Variants in CMIP observed in about 807,000 individuals in gnomAD.
The protein encoded by CMIP is C-Maf-inducing protein.
In CMIP, 13 loss-of-function variants were observed where a neutral mutation model predicts 97.3. The observed-to-expected ratio is 0.13, with a 90% CI of 0.09 to 0.21. The LOEUF (loss-of-function observed/expected upper bound fraction) is 0.21. Ranked by LOEUF, CMIP falls within the 10% of genes least tolerant of loss-of-function variation. CMIP has a pLI of 1.00. For missense variants in CMIP, 847 were observed against 1,024.9 expected, an observed-to-expected ratio of 0.83 and a Z score of 2.37; for synonymous variants, 538 against 436.3, an observed-to-expected ratio of 1.23 and a Z score of -2.91.
At chr16:81,522,015 G>A (rs971409184) in intron 1 of CMIP, among the ~76,000 whole-genome samples, 4 of 152,200 alleles carry the variant, frequency 2.6e-5, no homozygotes, top group Non-Finnish European at 4.4e-5. Flanking sequence ...CAGAGGTGCT[G>A]TTACAATTTA....
At chr16:81,613,737 G>T (rs2091868482) in intron 2 of CMIP, among the ~76,000 whole-genome samples, 1 of 152,124 alleles carries the variant, frequency 6.6e-6, no homozygotes, top group African/African-American at 2.4e-5. Flanking sequence ...GTTGTGTGTG[G>T]ACTTTCTTCG....
At chr16:81,676,180 C>T (rs959258578) in intron 9 of CMIP, among the ~76,000 whole-genome samples, 4 of 152,202 alleles carry the variant, frequency 2.6e-5, no homozygotes, top group African/African-American at 9.7e-5. Context: ...CGTGCCAGCC[C>T]TGGCTCAGCT....
chr16:81,482,070 C>T (rs990260694), intron 1 of CMIP, among the ~76,000 whole-genome samples: 1 of 151,942 alleles, frequency 6.6e-6, no homozygotes, highest in East Asian at 1.9e-4. Flanking sequence ...GCAGAGACAG[C>T]GTTTCACCAT....
intron 1 of CMIP, among the ~76,000 whole-genome samples, chr16:81,569,790 G>A (rs1019448902): frequency 1.3e-5 from 2 of 152,340 alleles, no homozygotes; most frequent in East Asian, 1.9e-4. Flanking sequence ...TTGACCTGGT[G>A]TCAACCTCTC....
chr16:81,474,011 G>C (rs1407529476), intron 1 of CMIP, among the ~76,000 whole-genome samples: 1 of 152,126 alleles, frequency 6.6e-6, no homozygotes, highest in Non-Finnish European at 1.5e-5. Flanking sequence ...ACAGTTCCGA[G>C]GTGGTGCTTC....
chr16:81,691,438 C>G (rs1906059807), intron 10 of CMIP, among the ~76,000 whole-genome samples: 1 of 152,146 alleles, frequency 6.6e-6, no homozygotes, highest in Non-Finnish European at 1.5e-5. Context: ...GAATGGGGGG[C>G]AAAGTTCAGC....
chr16:81,524,313 C>G (rs2090086355), intron 1 of CMIP, among the ~76,000 whole-genome samples: 3 of 152,228 alleles, frequency 2.0e-5, no homozygotes, highest in East Asian at 1.9e-4. Flanking sequence ...GAGATGGTGT[C>G]TGTCCCACTG....
chr16:81,491,257 C>T (rs2089401426), intron 1 of CMIP, among the ~76,000 whole-genome samples: 1 of 152,178 alleles, frequency 6.6e-6, no homozygotes, highest in African/African-American at 2.4e-5. Flanking sequence ...CTTACAAGAG[C>T]CTGGTGAGGA....
chr16:81,630,669 G>T, intron 3 of CMIP: 1 of 152,138 alleles, frequency 6.6e-6, no homozygotes, highest in South Asian at 2.1e-4. Context: ...AGGATGGGCG[G>T]GAGTCGGCCT....
intron 1 of CMIP, among the ~76,000 whole-genome samples, chr16:81,525,011 T>G (rs1434086186): frequency 6.6e-6 from 1 of 151,872 alleles, no homozygotes. Flanking sequence ...GGACAGGCTG[T>G]TCTCAAACTC....
At chr16:81,640,737 CATGT>C (rs2092295008) in intron 3 of CMIP, among the ~76,000 whole-genome samples, 1 of 76,046 alleles carries the variant, frequency 1.3e-5, no homozygotes, top group African/African-American at 3.9e-5. Flanking sequence ...CTCTCTGGAG[CATGT>C]GTGTGTGTGT....
intron 3 of CMIP, among the ~76,000 whole-genome samples, chr16:81,633,312 G>A (rs2092190182): frequency 1.3e-5 from 2 of 152,210 alleles, no homozygotes; most frequent in Admixed American, 6.5e-5. Flanking sequence ...ACCTTGGCCA[G>A]GTGTCCAGCC....
intron 3 of CMIP, among the ~76,000 whole-genome samples, chr16:81,638,223 C>T (rs958037674): frequency 3.9e-5 from 6 of 152,186 alleles, no homozygotes; most frequent in Admixed American, 3.3e-4. Context: ...GATAATCCAG[C>T]GTGATCTCCC....
intron 1 of CMIP, among the ~76,000 whole-genome samples, chr16:81,547,612 GGGAGGAGGAGGA>G (rs147604031): frequency 1.3e-5 from 2 of 151,674 alleles, no homozygotes; most frequent in Non-Finnish European, 2.9e-5. Flanking sequence ...TGGGAAGCGG[GGGAGGAGGAGGA>G]GGAGGAGGAG....
chr16:81,589,048 G>A (rs139267597), intron 1 of CMIP, among the ~76,000 whole-genome samples: 53 of 152,102 alleles, frequency 3.5e-4, no homozygotes, highest in Middle Eastern at 3.4e-3. Flanking sequence ...AACATATTCC[G>A]GTGCTCAGAA....
intron 10 of CMIP, 88 bp from the exon 11 acceptor site, chr16:81,691,687 C>A: frequency 9.8e-7 from 1 of 1,019,296 alleles, no homozygotes; most frequent in Non-Finnish European, 1.5e-6. Context: ...GGCTCTCACC[C>A]CATCTTTTGG....
At chr16:81,695,031 A>G (rs960638424) in intron 13 of CMIP, among the ~76,000 whole-genome samples, 2 of 152,182 alleles carry the variant, frequency 1.3e-5, no homozygotes, top group African/African-American at 4.8e-5. Flanking sequence ...TGACGCTGGG[A>G]GAACAAAAGT....
chr16:81,522,952 T>C (rs911687078), intron 1 of CMIP, among the ~76,000 whole-genome samples: 8 of 151,952 alleles, frequency 5.3e-5, no homozygotes, highest in Admixed American at 1.3e-4. Context: ...TTTGAGACAG[T>C]GTCTCATTCT....
chr16:81,450,741 C>T (rs976311337), intron 1 of CMIP, among the ~76,000 whole-genome samples: 5 of 152,120 alleles, frequency 3.3e-5, no homozygotes, highest in South Asian at 4.1e-4. Flanking sequence ...CCTTGCGGGG[C>T]GTAGTCTAGT....
Sources: gnomAD v4.1 joint callset for allele counts (sites outside exome capture counted in the v4.1 genomes callset) on GRCh38, gnomAD v4.1.1 for gene constraint, MANE v1.5 for transcripts, NCBI Gene and HGNC (gene_info 2026-07-23, HGNC 2026-07-21) for gene names.